RAB5A: variants seen among roughly 807,000 people sequenced by gnomAD.
RAB5A encodes ras-related protein Rab-5A.
A neutral mutation model predicts 25.7 loss-of-function variants in RAB5A; 8 were observed. That is an observed-to-expected ratio of 0.31 (90% CI 0.18 to 0.56). The LOEUF (loss-of-function observed/expected upper bound fraction) is 0.56, where lower values mean the gene tolerates loss of function less well. Ranked by LOEUF, RAB5A falls within the 20% of genes least tolerant of loss-of-function variation. The pLI is 0.91. For synonymous variants in RAB5A, 98 were observed against 89.8 expected (o/e 1.09, Z -0.52); for missense variants, 192 against 259.7 (o/e 0.74, Z 1.79).
chr3:19,977,256 A>G (rs778343610), intron 4 of RAB5A, among the ~76,000 whole-genome samples: 9 of 152,104 alleles, frequency 5.9e-5, no homozygotes, highest in Non-Finnish European at 1.3e-4. Flanking sequence ...GTGTGTTTTC[A>G]GTAGAGACAG....
chr3:19,951,931 A>G (rs1696430783), intron 2 of RAB5A, among the ~76,000 whole-genome samples: 1 of 152,032 alleles, frequency 6.6e-6, no homozygotes, highest in Non-Finnish European at 1.5e-5. Flanking sequence ...ATGAAAGAAG[A>G]AGGGAAAGAG....
chr3:19,958,375 G>A (rs1247876570), intron 2 of RAB5A, among the ~76,000 whole-genome samples: 3 of 152,138 alleles, frequency 2.0e-5, no homozygotes, highest in East Asian at 3.9e-4. Context: ...AAAATCTTTC[G>A]GTAGTCTTAA....
intron 1 of RAB5A, among the ~76,000 whole-genome samples, chr3:19,948,253 A>G (rs1189028795): frequency 6.6e-6 from 1 of 152,250 alleles, no homozygotes; most frequent in Non-Finnish European, 1.5e-5. Flanking sequence ...CATAGTTCAC[A>G]TACTTGGTTT....
In RAB5A at chr3:19,984,822, C is replaced by T. The variant is rs1697002240; in HGVS notation, c.*999C>T. On this transcript the variant is annotated 3_prime_UTR_variant, in exon 6 of 6. Coordinates refer to ENST00000273047, the MANE Select transcript of RAB5A (RefSeq NM_004162.5). ...CTGTTACTAAAACAGCTAATTATTT[C>T]TCTCTCCCCCTTTGACAGGAAGGGG... is the stretch of plus-strand genomic sequence containing the variant. 1 of 152,916 alleles carries T rather than the reference C, an allele frequency of 6.5e-6. No individual in the cohort carries two copies. Among genetic ancestry groups the T allele is most frequent in the African/African-American group, 2.4e-5 (1 of 41,410 alleles). The allele number at this position is 152,916 out of a possible 1,614,324, so 9.5% of individuals were successfully genotyped here.
chr3:19,983,843 T>A lies in RAB5A; in HGVS notation c.*20T>A. 1 of 1,457,072 alleles carries A rather than the reference T, an allele frequency of 6.9e-7. No homozygotes were observed. The highest frequency in any genetic ancestry group is 1.7e-5 in the Admixed American group (1 of 58,672). 90.3% of individuals were successfully genotyped at this position (1,457,072 alleles called of 1,614,324 possible). ...AACTAAACCTCTAGTTTGAACTAGC[T>A]GGAATAGTCTTCTGCTTCCTAAATG... is the stretch of plus-strand genomic sequence containing the variant. On this transcript the variant is annotated 3_prime_UTR_variant, in exon 6 of 6. Transcript: ENST00000273047.
At chr3:19,956,471 G>A (rs548580079) in intron 2 of RAB5A, among the ~76,000 whole-genome samples, 1 of 152,312 alleles carries the variant, frequency 6.6e-6, no homozygotes, top group South Asian at 2.1e-4. Context: ...AGGAAATTTA[G>A]TGCAATTATT....
chr3:19,974,681 G>C (rs1696796937), intron 2 of RAB5A, among the ~76,000 whole-genome samples: 1 of 144,570 alleles, frequency 6.9e-6, no homozygotes, highest in Non-Finnish European at 1.5e-5. Context: ...GCACTTTTGG[G>C]AGGCACTCCA....
chr3:19,949,002 A>G (rs1696380769), intron 1 of RAB5A, among the ~76,000 whole-genome samples: 1 of 152,128 alleles, frequency 6.6e-6, no homozygotes, highest in South Asian at 2.1e-4. Context: ...TATATTAGAG[A>G]TTGTTTACAT....
Position 19,954,078 on chromosome 3 carries a change from G to A in RAB5A, c.163+3017G>A, listed in dbSNP as rs541896845. On this transcript the variant is annotated intron_variant, in intron 2 of 5. Transcript: ENST00000273047. Reference sequence around the variant, plus strand: ...GGCCCAGGTTGGAGTGCAGTGGTGTGATCTAGGTTGACTGCAACCTCTACT... The same window carrying A: ...GGCCCAGGTTGGAGTGCAGTGGTGTAATCTAGGTTGACTGCAACCTCTACT... Among the ~76,000 whole-genome samples, 12 of 152,216 alleles carry A rather than the reference G, an allele frequency of 7.9e-5. No homozygotes were observed. In the South Asian group the frequency reaches 2.5e-3, roughly 32 times the overall value.
At chr3:19,953,836 A>C (rs1373487880) in intron 2 of RAB5A, among the ~76,000 whole-genome samples, 1 of 152,214 alleles carries the variant, frequency 6.6e-6, no homozygotes, top group Non-Finnish European at 1.5e-5. Context: ...CTGTACTCAT[A>C]GCTCTTCACC....
chr3:19,967,618 G>A (rs1409956014), intron 2 of RAB5A, among the ~76,000 whole-genome samples: 2 of 152,156 alleles, frequency 1.3e-5, no homozygotes, highest in African/African-American at 4.8e-5. Context: ...GAAGATTGCT[G>A]TCTTTCTGTA....
In RAB5A at chr3:19,969,045, G is replaced by GTTTTTTTT. The variant is rs386396075; in HGVS notation, c.164-6547_164-6540dup. On this transcript the variant is annotated intron_variant, in intron 2 of 5. Coordinates refer to ENST00000273047, the MANE Select transcript of RAB5A (RefSeq NM_004162.5). The stretch of plus-strand genomic sequence containing the variant: ...TTTTGGTTTTGGTTTTTTTTTTTTG[G>GTTTTTTTT]TTTTTTTTTTTTTTTTGAGATGGAG... Among the ~76,000 whole-genome samples, 153 of 103,366 alleles carry GTTTTTTTT rather than the reference G, an allele frequency of 1.5e-3. 2 individuals carry two copies. The highest frequency in any genetic ancestry group is 1.7e-3 in the Non-Finnish European group (96 of 57,510). 67.8% of individuals were successfully genotyped at this position (103,366 alleles called of 152,430 possible). A position where few individuals can be genotyped will look rare whatever the true frequency, so the allele number is the denominator to read the frequency against.
Position 19,970,538 on chromosome 3 carries a change from G to A in RAB5A, c.164-5063G>A, listed in dbSNP as rs746013657. 2.4e-5 allele frequency: 11 copies of A among 456,506 alleles called. No homozygotes were observed. The East Asian group carries it at 4.9e-4, about 20-fold the overall frequency. The allele number at this position is 456,506 out of a possible 1,614,324, so 28.3% of individuals were successfully genotyped here. On this transcript the variant is annotated intron_variant, in intron 2 of 5. Coordinates refer to ENST00000273047, the MANE Select transcript of RAB5A (RefSeq NM_004162.5). ...GCTTTGTTTTTCTCTACTTGTCATC[G>A]CGTACACAGTAACTCTCGAAGTGAT...
At chr3:19,948,264 T>G (rs1483133351) in intron 1 of RAB5A, among the ~76,000 whole-genome samples, 1 of 152,220 alleles carries the variant, frequency 6.6e-6, no homozygotes, top group East Asian at 1.9e-4. Flanking sequence ...TACTTGGTTT[T>G]TGTCTTGCTT....
Position 19,984,030 on chromosome 3 carries a change from GA to G in RAB5A, c.*212del. Reference sequence around the variant, plus strand: ...CTCTCACTAATGTTTCAACAATAGGGAAAAATGAGAACTATGTGGACACTTG... The same window carrying G: ...CTCTCACTAATGTTTCAACAATAGGGAAAATGAGAACTATGTGGACACTTG... On this transcript the variant is annotated 3_prime_UTR_variant, in exon 6 of 6. Coordinates refer to ENST00000273047, the MANE Select transcript of RAB5A (RefSeq NM_004162.5). 2 of 510,106 alleles carry G rather than the reference GA, an allele frequency of 3.9e-6. No individual in the cohort carries two copies. The highest frequency in any genetic ancestry group is 3.6e-6 in the Non-Finnish European group (1 of 278,422). The allele number at this position is 510,106 out of a possible 1,614,324, so 31.6% of individuals were successfully genotyped here. A position where few individuals can be genotyped will look rare whatever the true frequency, so the allele number is the denominator to read the frequency against.
Position 19,974,303 on chromosome 3 carries a change from C to T in RAB5A, c.164-1298C>T, listed in dbSNP as rs148691270. ...CCGAGTAACCGGAACCACAGGCAAG[C>T]GCCACCATGTCGAGCTAATTTTTGT... On this transcript the variant is annotated intron_variant, in intron 2 of 5. Coordinates refer to ENST00000273047, the MANE Select transcript of RAB5A (RefSeq NM_004162.5). 8.3e-3 allele frequency among the ~76,000 whole-genome samples: 1,260 copies of T among 151,922 alleles called. 14 individuals are homozygous for T. Among genetic ancestry groups the T allele is most frequent in the Non-Finnish European group, 9.0e-3 (610 of 67,942 alleles).
intron 2 of RAB5A, among the ~76,000 whole-genome samples, chr3:19,958,617 G>A (rs1045138038): frequency 7.9e-5 from 12 of 152,204 alleles, no homozygotes; most frequent in Non-Finnish European, 1.8e-4. Context: ...GCCGAGGCAG[G>A]CATATCACCT....
chr3:19,980,686 A>G (rs1030727975), intron 5 of RAB5A, among the ~76,000 whole-genome samples: 1 of 152,202 alleles, frequency 6.6e-6, no homozygotes, highest in South Asian at 2.1e-4. Context: ...TACAATATAT[A>G]GTGCTATTTT....
At chr3:19,961,146 T>A (rs7627200) in intron 2 of RAB5A, among the ~76,000 whole-genome samples, 3 of 152,136 alleles carry the variant, frequency 2.0e-5, no homozygotes, top group African/African-American at 7.2e-5. Context: ...AGGACACTTA[T>A]AATAATTACT....
Sources: gnomAD v4.1 joint callset for allele counts (sites outside exome capture counted in the v4.1 genomes callset) on GRCh38, gnomAD v4.1.1 for gene constraint, MANE v1.5 for transcripts, NCBI Gene and HGNC (gene_info 2026-07-23, HGNC 2026-07-21) for gene names.